Variants in RGS5 observed in about 807,000 individuals in gnomAD.
The protein encoded by RGS5 is regulator of G-protein signalling 5.
In RGS5, 20 loss-of-function variants were observed where a neutral mutation model predicts 18.9. That is an observed-to-expected ratio of 1.06 (90% confidence interval 0.74 to 1.54). The LOEUF is 1.54. Among genes scored for constraint, RGS5 ranks in the 40% most tolerant of loss-of-function variants. The pLI, the probability that RGS5 is intolerant of heterozygous loss-of-function variation, is 0.00. For synonymous variants in RGS5, 57 were observed against 76.2 expected (o/e 0.75, Z 1.31); for missense variants, 201 against 211.8 (o/e 0.95, Z 0.32).
At chr1:163,245,195 C>T (rs2101694000) in intron 2 of RGS5, among the ~76,000 whole-genome samples, 1 of 152,320 alleles carries the variant, frequency 6.6e-6, no homozygotes, top group South Asian at 2.1e-4. Context: ...GATGGGTAGT[C>T]TATCGTCTTG....
chr1:163,271,430 G>A (rs1342059773), intron 2 of RGS5, among the ~76,000 whole-genome samples: 1 of 152,144 alleles, frequency 6.6e-6, no homozygotes, highest in Non-Finnish European at 1.5e-5. Context: ...TCTCTGCCAT[G>A]TAAGGATACT....
intron 1 of RGS5, among the ~76,000 whole-genome samples, chr1:163,208,503 A>G (rs577766363): frequency 1.1e-3 from 141 of 129,930 alleles, no homozygotes; most frequent in Non-Finnish European, 2.0e-3. Flanking sequence ...CAACAGAACA[A>G]GACTCCACCT....
In RGS5 at chr1:163,152,658, C is replaced by G. The variant is rs200762280; in HGVS notation, c.276G>C (p.Glu92Asp). ...TGTAATCCTCACAGGCAATCCAGAA[C>G]TCAAGGTTTTCCTCACTGAATTCAG... ...LKSEFSEENL[E>D]FWIACEDYKK... The change falls in exon 4 of 5, where the codon GAG (glutamate) becomes GAC (aspartate). Residue 92 changes from glutamate (E) to aspartate (D), a missense_variant. Transcript: ENST00000313961. 3.1e-4 allele frequency: 495 copies of G among 1,611,890 alleles called. 3 individuals are homozygous for G. Among genetic ancestry groups the G allele is most frequent in the Non-Finnish European group, 4.6e-5 (54 of 1,178,890 alleles).
intron 2 of RGS5, among the ~76,000 whole-genome samples, chr1:163,225,163 T>TG (rs1280710931): frequency 6.6e-6 from 1 of 152,140 alleles, no homozygotes; most frequent in Non-Finnish European, 1.5e-5. Flanking sequence ...TAGTTTCCAT[T>TG]GGGGTGGGTT....
Position 163,146,145 on chromosome 1 carries a change from C to A in RGS5, c.*1197G>T, listed in dbSNP as rs911221047. 2 of 151,930 alleles carry A rather than the reference C, an allele frequency of 1.3e-5. No homozygotes were observed. The highest frequency in any genetic ancestry group is 2.9e-5 in the Non-Finnish European group (2 of 68,004). The allele number at this position is 151,930 out of a possible 1,614,324, so 9.4% of individuals were successfully genotyped here. ...CTATTATTTAGCTGTGAATGAGACA[C>A]GTCAGGAGTATAAATCTGCACTTTT... On this transcript the variant is annotated 3_prime_UTR_variant, in exon 5 of 5. Coordinates refer to ENST00000313961, the MANE Select transcript of RGS5 (RefSeq NM_003617.4).
intron 1 of RGS5, among the ~76,000 whole-genome samples, chr1:163,178,674 C>A (rs975522079): frequency 1.3e-5 from 2 of 152,014 alleles, no homozygotes; most frequent in Non-Finnish European, 2.9e-5. Flanking sequence ...CAAAACCCAG[C>A]CATCTATAAG....
intron 3 of RGS5, among the ~76,000 whole-genome samples, chr1:163,158,716 C>T (rs1320116285): frequency 6.6e-6 from 1 of 152,104 alleles, no homozygotes; most frequent in African/African-American, 2.4e-5. Flanking sequence ...CACAGGACCA[C>T]AGGACCACAG....
intron 1 of RGS5, among the ~76,000 whole-genome samples, chr1:163,180,386 A>C (rs920043118): frequency 6.6e-6 from 1 of 152,164 alleles, no homozygotes; most frequent in Non-Finnish European, 1.5e-5. Context: ...TTCCTATTGC[A>C]GTGCCTTCAG....
chr1:163,274,828 C>T (rs1164079162), intron 2 of RGS5, among the ~76,000 whole-genome samples: 2 of 152,108 alleles, frequency 1.3e-5, no homozygotes. Context: ...TTCAAGGTGG[C>T]CTGGTATCAC....
At chr1:163,183,872 T>TGATTCCTTCCAATGTTTAATATG (rs1405713746) in intron 1 of RGS5, among the ~76,000 whole-genome samples, 1 of 152,158 alleles carries the variant, frequency 6.6e-6, no homozygotes, top group South Asian at 2.1e-4. Flanking sequence ...GTCTCTCCAG[T>TGATTCCTTCCAATGTTTAATATG]GATTCCTTCC....
chr1:163,203,805 A>G (rs186801852), upstream of RGS5, among the ~76,000 whole-genome samples: 3 of 152,250 alleles, frequency 2.0e-5, no homozygotes, highest in Admixed American at 2.0e-4. Context: ...CTTCTCCTTC[A>G]AACTTTTCCT....
chr1:163,161,642 G>A, intron 3 of RGS5: 1 of 321,452 alleles, frequency 3.1e-6, no homozygotes, highest in Non-Finnish European at 5.9e-6. Flanking sequence ...ACTTGTTCTG[G>A]CTCATGCAAG....
chr1:163,196,703 C>T (rs564209754), intron 1 of RGS5, among the ~76,000 whole-genome samples: 1 of 152,278 alleles, frequency 6.6e-6, no homozygotes, highest in Admixed American at 6.5e-5. Flanking sequence ...TTTAACAAGG[C>T]TTTCCTCATT....
intron 1 of RGS5, among the ~76,000 whole-genome samples, chr1:163,314,579 A>G (rs1415930306): frequency 6.6e-6 from 1 of 152,120 alleles, no homozygotes; most frequent in African/African-American, 2.4e-5. Flanking sequence ...AAACCTACTT[A>G]TCCCCAAATT....
upstream of RGS5, among the ~76,000 whole-genome samples, chr1:163,203,952 G>A (rs1275765507): frequency 6.6e-6 from 1 of 152,090 alleles, no homozygotes; most frequent in African/African-American, 2.4e-5. Context: ...TAAAAAAAGT[G>A]GCACTGAATA....
At chr1:163,149,399 T>G (rs1354391977) in intron 4 of RGS5, among the ~76,000 whole-genome samples, 1 of 152,206 alleles carries the variant, frequency 6.6e-6, no homozygotes, top group African/African-American at 2.4e-5. Context: ...TTATTCCAAA[T>G]GATTGAGTTT....
intron 1 of RGS5, among the ~76,000 whole-genome samples, chr1:163,189,063 A>T (rs1055583203): frequency 4.6e-5 from 7 of 151,974 alleles, no homozygotes; most frequent in African/African-American, 9.7e-5. Flanking sequence ...CAGATGAAGC[A>T]GCTGTTCTGC....
chr1:163,245,037 A>T (rs1002938127), intron 2 of RGS5: 25 of 152,238 alleles, frequency 1.6e-4, no homozygotes, highest in Non-Finnish European at 5.9e-5. Context: ...AAGGTCTGAG[A>T]AATAAAACCT....
intron 2 of RGS5, among the ~76,000 whole-genome samples, chr1:163,258,698 C>T (rs181116825): frequency 1.5e-3 from 231 of 151,912 alleles, no homozygotes; most frequent in African/African-American, 5.2e-3. Context: ...GAGCCAGTGT[C>T]TCTCTGTTGC....
Sources: allele counts gnomAD v4.1 joint callset (sites outside exome capture counted in the v4.1 genomes callset), GRCh38; gene constraint gnomAD v4.1.1; transcripts MANE v1.5; gene names NCBI Gene and HGNC (gene_info 2026-07-23, HGNC 2026-07-21).